The following UNC5D variants were observed in gnomAD, a reference collection of about 807,000 sequenced individuals.
UNC5D encodes the protein netrin receptor UNC5D.
UNC5D carries 39 observed loss-of-function variants against 105.4 expected under a neutral mutation model. The ratio of observed to expected loss-of-function variants is 0.37; its 90% CI spans 0.29 to 0.48. The LOEUF (loss-of-function observed/expected upper bound fraction) is 0.48. Among genes scored for constraint, UNC5D ranks in the 20% least tolerant of loss-of-function variants. The pLI is 0.98. For missense variants in UNC5D, 991 were observed against 1,202.4 expected (o/e 0.82, Z 2.60); for synonymous variants, 452 against 450.4 (o/e 1.00, Z -0.04).
intron 1 of UNC5D, among the ~76,000 whole-genome samples, chr8:35,374,439 G>A (rs979963048): frequency 1.3e-5 from 2 of 152,158 alleles, no homozygotes; most frequent in African/African-American, 4.8e-5. Flanking sequence ...CTACAAGAAG[G>A]TAACAATGTA....
intron 16 of UNC5D, among the ~76,000 whole-genome samples, chr8:35,778,125 C>T (rs58468407): frequency 0.044 from 6,670 of 152,100 alleles, 481 homozygotes; most frequent in African/African-American, 0.15. Context: ...CTGACAATGT[C>T]GGTATGTCTG....
chr8:35,461,561 T>A (rs943880601), intron 1 of UNC5D, among the ~76,000 whole-genome samples: 1 of 152,178 alleles, frequency 6.6e-6, no homozygotes, highest in Non-Finnish European at 1.5e-5. Context: ...CTGGAGAAGA[T>A]GTGCATCTAT....
intron 1 of UNC5D, chr8:35,255,306 A>T (rs1803999701): frequency 6.6e-6 from 1 of 152,190 alleles, no homozygotes; most frequent in Non-Finnish European, 1.5e-5. Flanking sequence ...TATTTTTAAC[A>T]ACTGGTCATC....
rs1162344741 is a variant in UNC5D, at chr8:35,438,036, G to A, written c.104-111256G>A. Reference sequence around the variant, plus strand: ...TTATTTCCATGTTTTCCAAATTTATGTTATATTAGTATGTTTTAAATCTAT... The same window carrying A: ...TTATTTCCATGTTTTCCAAATTTATATTATATTAGTATGTTTTAAATCTAT... On this transcript the variant is annotated intron_variant, in intron 1 of 16. Coordinates refer to ENST00000404895, the MANE Select transcript of UNC5D (RefSeq NM_080872.4). Among the ~76,000 whole-genome samples the A allele has an allele frequency of 3.3e-5, 5 of 151,712 alleles. No homozygotes were observed. The East Asian group carries it at 9.7e-4, about 29-fold the overall frequency.
chr8:35,551,826 A>AAG (rs1234421067), intron 2 of UNC5D, among the ~76,000 whole-genome samples: 1 of 151,866 alleles, frequency 6.6e-6, no homozygotes, highest in African/African-American at 2.4e-5. Flanking sequence ...AAAAAAAAAA[A>AAG]GAAAAAAAGG....
At chr8:35,438,629 A>G (rs1337664497) in intron 1 of UNC5D, among the ~76,000 whole-genome samples, 1 of 151,946 alleles carries the variant, frequency 6.6e-6, no homozygotes, top group African/African-American at 2.4e-5. Context: ...AGAGAATAAC[A>G]TAAGCCAAAC....
chr8:35,495,032 C>A (rs1435960852), intron 1 of UNC5D, among the ~76,000 whole-genome samples: 1 of 151,898 alleles, frequency 6.6e-6, no homozygotes, highest in African/African-American at 2.4e-5. Flanking sequence ...AAATTCCCTC[C>A]CAGGGGACCG....
chr8:35,337,400 G>T (rs1360526196), intron 1 of UNC5D, among the ~76,000 whole-genome samples: 1 of 152,156 alleles, frequency 6.6e-6, no homozygotes, highest in Non-Finnish European at 1.5e-5. Flanking sequence ...AACAAAGTGG[G>T]TTTATTCTTT....
At position 35,426,830 on chromosome 8, in the gene UNC5D, G is replaced by A. The variant is rs186810351; in HGVS notation, c.104-122462G>A. 5.0e-4 allele frequency among the ~76,000 whole-genome samples: 76 copies of A among 152,224 alleles called. 1 individual carries two copies. In the South Asian group the frequency reaches 6.4e-3, roughly 13 times the overall value. On this transcript the variant is annotated intron_variant, in intron 1 of 16. Coordinates refer to ENST00000404895, the MANE Select transcript of UNC5D (RefSeq NM_080872.4). ...ATGCATTCAGCTTTGCAGAGCTAAC[G>A]GAGTATTTAATCTACGTCATTGCTT... is the stretch of plus-strand genomic sequence containing the variant.
At chr8:35,413,773 C>T (rs773470600) in intron 1 of UNC5D, among the ~76,000 whole-genome samples, 16 of 152,134 alleles carry the variant, frequency 1.1e-4, no homozygotes, top group Non-Finnish European at 1.8e-4. Flanking sequence ...TAAGAAATCA[C>T]AGAAAGTGGA....
intron 4 of UNC5D, among the ~76,000 whole-genome samples, chr8:35,608,429 G>T (rs1469144309): frequency 6.6e-6 from 1 of 152,150 alleles, no homozygotes; most frequent in East Asian, 1.9e-4. Context: ...TTAAAAATCT[G>T]ATCTGTATAA....
intron 10 of UNC5D, among the ~76,000 whole-genome samples, chr8:35,730,400 T>A (rs557309673): frequency 1.9e-4 from 29 of 152,324 alleles, no homozygotes; most frequent in Admixed American, 1.7e-3. Context: ...GCCTTAACCC[T>A]TTCTAGGTTC....
intron 4 of UNC5D, among the ~76,000 whole-genome samples, chr8:35,667,423 T>C (rs2131260463): frequency 6.6e-6 from 1 of 152,256 alleles, no homozygotes; most frequent in African/African-American, 2.4e-5. Flanking sequence ...GTCTGGAGGA[T>C]CTCAATACAG....
At chr8:35,392,803 G>C (rs1803858325) in intron 1 of UNC5D, among the ~76,000 whole-genome samples, 1 of 152,154 alleles carries the variant, frequency 6.6e-6, no homozygotes, top group African/African-American at 2.4e-5. Context: ...ACAGAAATTG[G>C]AAGAACCTTG....
intron 1 of UNC5D, among the ~76,000 whole-genome samples, chr8:35,523,046 ATT>A (rs138243666): frequency 7.2e-6 from 1 of 138,824 alleles, no homozygotes; most frequent in Non-Finnish European, 1.6e-5. Context: ...TTTAGGAACT[ATT>A]TTTTTTTTAA....
At chr8:35,394,762 AG>A (rs1803995846) in intron 1 of UNC5D, among the ~76,000 whole-genome samples, 1 of 152,166 alleles carries the variant, frequency 6.6e-6, no homozygotes. Flanking sequence ...TTAAGGAAAA[AG>A]GAGAAGAGTT....
At chr8:35,767,896 G>A (rs1018915893) in intron 15 of UNC5D, among the ~76,000 whole-genome samples, 1 of 152,062 alleles carries the variant, frequency 6.6e-6, no homozygotes, top group Non-Finnish European at 1.5e-5. Flanking sequence ...ATGGGATAGA[G>A]GGAGAGATTA....
chr8:35,507,140 C>T (rs1385584035), intron 1 of UNC5D, among the ~76,000 whole-genome samples: 3 of 144,784 alleles, frequency 2.1e-5, no homozygotes, highest in African/African-American at 7.7e-5. Context: ...ACTGCAAGCT[C>T]CGCCTCCCGG....
intron 1 of UNC5D, among the ~76,000 whole-genome samples, chr8:35,441,736 G>A (rs1807416386): frequency 6.6e-6 from 1 of 151,554 alleles, no homozygotes; most frequent in Non-Finnish European, 1.5e-5. Context: ...GTATCATAGA[G>A]TAGGTTAATG....
Sources: allele counts gnomAD v4.1 joint callset (sites outside exome capture counted in the v4.1 genomes callset), GRCh38; gene constraint gnomAD v4.1.1; transcripts MANE v1.5; gene names NCBI Gene and HGNC (gene_info 2026-07-23, HGNC 2026-07-21).